Variants in KLRG1 observed in about 807,000 individuals in gnomAD.
KLRG1 encodes the protein killer cell lectin like receptor G1, also known as killer cell lectin-like receptor subfamily G member 1.
Under a neutral mutation model 21.8 loss-of-function variants are expected in KLRG1, and 16 were observed. The ratio of observed to expected loss-of-function variants is 0.73; its 90% CI spans 0.50 to 1.11. The LOEUF is 1.11. KLRG1 is among the 50% of genes most tolerant of loss of function. The probability of loss-of-function intolerance (pLI) is 0.00; values close to 1 mark genes in which losing one functional copy is unlikely to be tolerated. For synonymous variants in KLRG1, 69 were observed against 75.9 expected, an observed-to-expected ratio of 0.91 and a Z score of 0.47; for missense variants, 173 against 218.3, an observed-to-expected ratio of 0.79 and a Z score of 1.31.
chr12:9,182,890 G>C, the KLRG1 span, among the ~76,000 whole-genome samples: 1 of 152,104 alleles, frequency 6.6e-6, no homozygotes, highest in Admixed American at 6.5e-5. Flanking sequence ...GATACTCTCT[G>C]GTATTATTTC....
chr12:9,207,412 T>C, the KLRG1 span, among the ~76,000 whole-genome samples: 1 of 152,228 alleles, frequency 6.6e-6, no homozygotes, highest in Non-Finnish European at 1.5e-5. Flanking sequence ...GGACCTTAAA[T>C]GGCCTGGACT....
the KLRG1 span, among the ~76,000 whole-genome samples, chr12:9,147,376 A>T: frequency 6.6e-6 from 1 of 152,286 alleles, no homozygotes; most frequent in South Asian, 2.1e-4. Flanking sequence ...TCTCTCCCCT[A>T]AGAGAAGCTG....
the KLRG1 span, among the ~76,000 whole-genome samples, chr12:9,113,036 C>T: frequency 1.3e-5 from 2 of 151,634 alleles, no homozygotes; most frequent in African/African-American, 4.8e-5. Flanking sequence ...ACGGGTGGCT[C>T]ATGTTGAGCC....
intron 1 of KLRG1, among the ~76,000 whole-genome samples, chr12:8,952,151 A>G (rs906693554): frequency 1.3e-5 from 2 of 152,200 alleles, no homozygotes; most frequent in African/African-American, 4.8e-5. Context: ...ACTCCCCACA[A>G]TAAACCTACA....
the KLRG1 span, among the ~76,000 whole-genome samples, chr12:9,205,751 T>C: frequency 6.6e-6 from 1 of 152,206 alleles, no homozygotes; most frequent in Non-Finnish European, 1.5e-5. Context: ...ACTCTTACTT[T>C]TTAAATTGTT....
At chr12:9,051,642 G>C in the KLRG1 span, among the ~76,000 whole-genome samples, 8 of 152,156 alleles carry the variant, frequency 5.3e-5, no homozygotes, top group African/African-American at 1.9e-4. Context: ...TCTGCATACG[G>C]GAAAATCAAC....
the KLRG1 span, among the ~76,000 whole-genome samples, chr12:9,038,789 C>A: frequency 6.6e-6 from 1 of 151,698 alleles, no homozygotes; most frequent in African/African-American, 2.4e-5. Flanking sequence ...ATCCCAGCTA[C>A]TCGGGAGGCT....
chr12:8,989,707 A>G lies in KLRG1; in HGVS notation c.72A>G (p.Pro24=), dbSNP rs1294069430. The change falls in exon 1 of 5, where the codon CCA becomes CCG. Residue 24 remains proline, a synonymous_variant. Transcript: ENST00000356986. The part of the protein sequence containing the change: ...TATQAQNDYG[P]QQKSSSSRPS... ...CCCAAGCCCAGAATGACTATGGACC[A>G]CAGCAAAAATGTGAGTTAACCAAGG... 6.2e-7 allele frequency: 1 copy of G among 1,601,384 alleles called. No individual in the cohort carries two copies. The highest frequency in any genetic ancestry group is 1.1e-5 in the South Asian group (1 of 90,376).
At chr12:9,021,859 G>A in the KLRG1 span, among the ~76,000 whole-genome samples, 2 of 152,164 alleles carry the variant, frequency 1.3e-5, no homozygotes, top group South Asian at 2.1e-4. Flanking sequence ...TTATAACAAT[G>A]CCTTCTTCTG....
At chr12:9,202,692 G>C in the KLRG1 span, 15 of 1,612,058 alleles carry the variant, frequency 9.3e-6, no homozygotes, top group Admixed American at 2.5e-4. Context: ...GAGCTAAAAA[G>C]CAAAGGATTT....
the KLRG1 span, among the ~76,000 whole-genome samples, chr12:9,073,529 T>C: frequency 1.3e-5 from 2 of 152,214 alleles, no homozygotes; most frequent in Admixed American, 6.5e-5. Context: ...AATAAATGAA[T>C]GATAACCTTT....
At chr12:9,169,120 A>G in the KLRG1 span, 1 of 613,518 alleles carries the variant, frequency 1.6e-6, no homozygotes, top group South Asian at 2.6e-5. Flanking sequence ...GAGTAGTGAA[A>G]TTACTAAACT....
At chr12:9,180,384 A>G in the KLRG1 span, among the ~76,000 whole-genome samples, 2 of 152,210 alleles carry the variant, frequency 1.3e-5, no homozygotes, top group Admixed American at 1.3e-4. Context: ...GCATCACACT[A>G]CCTGACTTCA....
the KLRG1 span, chr12:9,208,158 G>T: frequency 2.5e-6 from 2 of 803,536 alleles, no homozygotes; most frequent in Admixed American, 1.9e-5. Context: ...GGAAGGTATT[G>T]TAATGAGTGG....
the KLRG1 span, chr12:9,169,454 T>C: frequency 4.4e-6 from 7 of 1,608,686 alleles, no homozygotes; most frequent in South Asian, 1.1e-5. Flanking sequence ...AAATATCTGC[T>C]TCATTACTTG....
At chr12:9,193,798 G>A in the KLRG1 span, among the ~76,000 whole-genome samples, 1 of 152,108 alleles carries the variant, frequency 6.6e-6, no homozygotes, top group African/African-American at 2.4e-5. Flanking sequence ...ATGAATTACT[G>A]AAGCAGCTGA....
At chr12:9,082,716 A>T in the KLRG1 span, among the ~76,000 whole-genome samples, 1 of 152,232 alleles carries the variant, frequency 6.6e-6, no homozygotes, top group Admixed American at 6.5e-5. Flanking sequence ...AGAAATAAAG[A>T]TCTATGAAAT....
At chr12:9,180,566 A>T in the KLRG1 span, among the ~76,000 whole-genome samples, 10 of 152,178 alleles carry the variant, frequency 6.6e-5, no homozygotes, top group Non-Finnish European at 7.4e-5. Context: ...TCCCTATTTA[A>T]TAAATGGTGC....
chr12:9,197,665 T>G, the KLRG1 span, among the ~76,000 whole-genome samples: 2 of 104,424 alleles, frequency 1.9e-5, no homozygotes, highest in African/African-American at 8.4e-5. Context: ...TATAAAATTA[T>G]TATATATATT....
Sources: gnomAD v4.1 joint callset for allele counts (sites outside exome capture counted in the v4.1 genomes callset) on GRCh38, gnomAD v4.1.1 for gene constraint, MANE v1.5 for transcripts, NCBI Gene and HGNC (gene_info 2026-07-23, HGNC 2026-07-21) for gene names.